The following MGLL variants were observed in gnomAD, a reference collection of about 807,000 sequenced individuals.
The protein encoded by MGLL is lysophospholipase homolog.
In MGLL, 7 loss-of-function variants were observed where a neutral mutation model predicts 29.1. That is an observed-to-expected ratio of 0.24 (90% CI 0.14 to 0.45). MGLL has a LOEUF of 0.45. Ranked by LOEUF, MGLL falls within the 20% of genes least tolerant of loss-of-function variation. MGLL has a pLI of 0.99. For synonymous variants in MGLL, 148 were observed against 168.3 expected (o/e 0.88, Z 0.93); for missense variants, 356 against 413.6 (o/e 0.86, Z 1.21).
At chr3:127,776,518 G>A (rs66789634) in intron 3 of MGLL, among the ~76,000 whole-genome samples, 13,473 of 152,242 alleles carry the variant, frequency 0.088, 746 homozygotes, top group South Asian at 0.15. Context: ...CGGCCATCCT[G>A]CCAGCCACCC....
At chr3:127,763,946 G>A (rs1412441471) in intron 3 of MGLL, among the ~76,000 whole-genome samples, 2 of 152,144 alleles carry the variant, frequency 1.3e-5, no homozygotes, top group East Asian at 3.9e-4. Flanking sequence ...CCCAGGTTCC[G>A]ACATGGGTGG....
chr3:127,710,271 T>C (rs1417514803), intron 6 of MGLL, among the ~76,000 whole-genome samples: 2 of 152,212 alleles, frequency 1.3e-5, no homozygotes, highest in Non-Finnish European at 1.5e-5. Flanking sequence ...ACAAAATCCC[T>C]GCTTTTGCTT....
rs369175422 is a variant in MGLL, at chr3:127,773,557, G to A, written c.262+8232C>T. On this transcript the variant is annotated intron_variant, in intron 3 of 7. Coordinates refer to ENST00000265052, the MANE Select transcript of MGLL (RefSeq NM_007283.7). ...AGGTAGGGTGGACACAGGCTGTGCC[G>A]GGCTGGCTCTGGACTGGGACAGCAT... 5.3e-5 allele frequency among the ~76,000 whole-genome samples: 8 copies of A among 152,332 alleles called. 1 individual carries two copies. The highest frequency in any genetic ancestry group is 1.9e-4 in the East Asian group (1 of 5,182).
chr3:127,758,674 C>T (rs2076706365), intron 3 of MGLL, among the ~76,000 whole-genome samples: 1 of 152,162 alleles, frequency 6.6e-6, no homozygotes, highest in Non-Finnish European at 1.5e-5. Flanking sequence ...GGGGAAGTCA[C>T]CTGTAATTTT....
chr3:127,714,410 G>A (rs1336727162), intron 5 of MGLL, among the ~76,000 whole-genome samples: 1 of 152,202 alleles, frequency 6.6e-6, no homozygotes, highest in Non-Finnish European at 1.5e-5. Flanking sequence ...AGCCACCCTC[G>A]CTCCCCTAAA....
At chr3:127,775,045 C>T (rs536624446) in intron 3 of MGLL, among the ~76,000 whole-genome samples, 31 of 152,192 alleles carry the variant, frequency 2.0e-4, no homozygotes, top group Non-Finnish European at 4.0e-4. Flanking sequence ...ACTCAACAGG[C>T]TTTCATCAAA....
At chr3:127,710,337 C>T (rs1368864249) in intron 6 of MGLL, among the ~76,000 whole-genome samples, 1 of 152,240 alleles carries the variant, frequency 6.6e-6, no homozygotes, top group Non-Finnish European at 1.5e-5. Context: ...GACTGGCACA[C>T]ACTCAACTTC....
chr3:127,762,722 T>C lies in MGLL; in HGVS notation c.262+19067A>G, dbSNP rs770645063. 5.9e-5 allele frequency among the ~76,000 whole-genome samples: 9 copies of C among 152,346 alleles called. No homozygotes were observed. In the South Asian group the frequency reaches 1.9e-3, roughly 32 times the overall value. On this transcript the variant is annotated intron_variant, in intron 3 of 7. Transcript: ENST00000265052. ...AGGGACCATCAAATGAGAGCAGTTC[T>C]GGTCATTACTGCAGCTTCAGTTATG...
intron 2 of MGLL, among the ~76,000 whole-genome samples, chr3:127,794,267 C>T (rs1009557534): frequency 6.6e-6 from 1 of 151,864 alleles, no homozygotes; most frequent in East Asian, 1.9e-4. Context: ...CAACATGGTG[C>T]AACCCTTTCT....
intron 6 of MGLL, among the ~76,000 whole-genome samples, chr3:127,708,595 C>A (rs1374194084): frequency 6.6e-6 from 1 of 152,188 alleles, no homozygotes; most frequent in East Asian, 1.9e-4. Flanking sequence ...CCTCTTTGCC[C>A]GTGTATTTTC....
intron 4 of MGLL, 119 bp downstream of exon 4, chr3:127,722,311 G>C: frequency 7.1e-7 from 1 of 1,407,454 alleles, no homozygotes; most frequent in Non-Finnish European, 1.0e-6. Flanking sequence ...TGCACAAAGG[G>C]AGACATCATG....
intron 3 of MGLL, among the ~76,000 whole-genome samples, chr3:127,755,513 C>T (rs890962645): frequency 6.6e-6 from 1 of 152,074 alleles, no homozygotes; most frequent in African/African-American, 2.4e-5. Flanking sequence ...CTTATGAATG[C>T]GTGTGGGTGG....
chr3:127,756,633 T>G (rs1344210342), intron 3 of MGLL, among the ~76,000 whole-genome samples: 1 of 152,218 alleles, frequency 6.6e-6, no homozygotes, highest in East Asian at 1.9e-4. Context: ...GGCCTCACCA[T>G]ACCTGAATCA....
chr3:127,718,638 A>T (rs2075860878), intron 5 of MGLL, among the ~76,000 whole-genome samples: 1 of 152,208 alleles, frequency 6.6e-6, no homozygotes, highest in Non-Finnish European at 1.5e-5. Context: ...AAGCAAACAC[A>T]GAGTACCCCC....
intron 3 of MGLL, among the ~76,000 whole-genome samples, chr3:127,766,592 G>A (rs1049137339): frequency 6.6e-6 from 1 of 152,126 alleles, no homozygotes; most frequent in African/African-American, 2.4e-5. Flanking sequence ...AAAGGGTGCT[G>A]TGTCCTCAAA....
intron 2 of MGLL, among the ~76,000 whole-genome samples, chr3:127,796,585 C>T (rs987802311): frequency 1.1e-4 from 16 of 152,278 alleles, no homozygotes; most frequent in African/African-American, 3.9e-4. Context: ...CATTTGAGAC[C>T]AGTCCATCTT....
At chr3:127,782,948 G>A (rs1352722284) in intron 2 of MGLL, among the ~76,000 whole-genome samples, 2 of 151,996 alleles carry the variant, frequency 1.3e-5, no homozygotes, top group African/African-American at 2.4e-5. Context: ...CAGCACTTTC[G>A]GAGGCCAAGG....
At chr3:127,794,529 A>ACTGTCTTCTGTGATGTAAGG (rs879287482) in intron 2 of MGLL, among the ~76,000 whole-genome samples, 4 of 151,696 alleles carry the variant, frequency 2.6e-5, no homozygotes, top group South Asian at 4.2e-4. Context: ...ATGATGTAAG[A>ACTGTCTTCTGTGATGTAAGG]CTGTCTTCTG....
chr3:127,782,237 G>T (rs1251104372), intron 2 of MGLL, among the ~76,000 whole-genome samples: 3 of 151,216 alleles, frequency 2.0e-5, no homozygotes, highest in South Asian at 4.3e-4. Flanking sequence ...AAATAGAAAA[G>T]AAAAGAAACG....
Sources: gnomAD v4.1 joint callset for allele counts (sites outside exome capture counted in the v4.1 genomes callset) on GRCh38, gnomAD v4.1.1 for gene constraint, MANE v1.5 for transcripts, NCBI Gene and HGNC (gene_info 2026-07-23, HGNC 2026-07-21) for gene names.